Variants in UXS1 observed in about 807,000 individuals in gnomAD.
UXS1 encodes UDP-glucuronate decarboxylase 1.
A neutral mutation model predicts 62.6 loss-of-function variants in UXS1; 33 were observed. The observed-to-expected ratio is 0.53, with a 90% CI of 0.40 to 0.70. The LOEUF (loss-of-function observed/expected upper bound fraction) is 0.70, where lower values mean the gene tolerates loss of function less well. Among genes scored for constraint, UXS1 ranks in the 30% least tolerant of loss-of-function variants. UXS1 has a pLI of 0.00. For synonymous variants in UXS1, 213 were observed against 206.8 expected (o/e 1.03, Z -0.26); for missense variants, 434 against 556.3 (o/e 0.78, Z 2.21).
intron 5 of UXS1, among the ~76,000 whole-genome samples, chr2:106,157,749 T>A (rs1682553511): frequency 6.6e-6 from 1 of 152,174 alleles, no homozygotes; most frequent in Admixed American, 6.5e-5. Context: ...AGATCAAATA[T>A]CACATTATTT....
intron 10 of UXS1, among the ~76,000 whole-genome samples, chr2:106,108,998 A>G (rs560305807): frequency 6.6e-6 from 1 of 152,208 alleles, no homozygotes; most frequent in South Asian, 2.1e-4. Context: ...CATATCCCCT[A>G]GAGTGTGTCC....
chr2:106,169,575 T>C (rs1683413559), intron 1 of UXS1, among the ~76,000 whole-genome samples: 1 of 152,076 alleles, frequency 6.6e-6, no homozygotes, highest in African/African-American at 2.4e-5. Context: ...CAGTCCCAGC[T>C]ACATGGCGGG....
intron 12 of UXS1, 135 bp downstream of exon 12, chr2:106,100,923 G>C: frequency 9.1e-7 from 1 of 1,101,150 alleles, no homozygotes; most frequent in Non-Finnish European, 1.3e-6. Flanking sequence ...TTTTCCTCTA[G>C]TATTTAGCAA....
chr2:106,175,878 T>C (rs1029995271), intron 1 of UXS1, among the ~76,000 whole-genome samples: 4 of 152,230 alleles, frequency 2.6e-5, no homozygotes, highest in African/African-American at 7.2e-5. Flanking sequence ...TTTCTGCCAC[T>C]ATGTTTTAAA....
intron 6 of UXS1, among the ~76,000 whole-genome samples, chr2:106,130,652 C>T (rs1229702265): frequency 1.3e-5 from 2 of 152,182 alleles, no homozygotes; most frequent in Admixed American, 1.3e-4. Flanking sequence ...CCGGGCCTTC[C>T]GGGCTCCCCT....
chr2:106,105,765 C>T (rs1404128669), intron 10 of UXS1, among the ~76,000 whole-genome samples: 1 of 152,232 alleles, frequency 6.6e-6, no homozygotes, highest in African/African-American at 2.4e-5. Flanking sequence ...GAGACGGCAA[C>T]AGAGGTGCTT....
intron 12 of UXS1, among the ~76,000 whole-genome samples, chr2:106,099,804 A>T (rs550466907): frequency 3.3e-5 from 5 of 152,332 alleles, no homozygotes; most frequent in Admixed American, 3.3e-4. Flanking sequence ...TTACAGTGTG[A>T]GGCACGTTCT....
At chr2:106,103,722 G>A (rs1489780649) in intron 11 of UXS1, among the ~76,000 whole-genome samples, 1 of 152,202 alleles carries the variant, frequency 6.6e-6, no homozygotes, top group African/African-American at 2.4e-5. Flanking sequence ...ATATTAATGG[G>A]TGGGGAGGAA....
intron 13 of UXS1, 113 bp from the exon 14 acceptor site, chr2:106,096,934 C>T (rs1008346472): frequency 2.0e-5 from 21 of 1,052,818 alleles, no homozygotes; most frequent in African/African-American, 7.9e-5. Context: ...AGGGTGCAGG[C>T]GGTGGAAATG....
At chr2:106,105,219 T>C (rs1415829768) in intron 10 of UXS1, among the ~76,000 whole-genome samples, 2 of 152,084 alleles carry the variant, frequency 1.3e-5, no homozygotes, top group Non-Finnish European at 2.9e-5. Flanking sequence ...TTAACTGGGG[T>C]TCCTCACACT....
chr2:106,138,250 G>A (rs1214356335), intron 6 of UXS1: 1 of 985,388 alleles, frequency 1.0e-6, no homozygotes, highest in Middle Eastern at 5.2e-4. Flanking sequence ...GTCTGTATGG[G>A]AAACCTTCTC....
chr2:106,119,536 G>T (rs951538579), intron 9 of UXS1, among the ~76,000 whole-genome samples: 2 of 152,146 alleles, frequency 1.3e-5, no homozygotes, highest in South Asian at 2.1e-4. Flanking sequence ...CTGCTCTCTC[G>T]CAACACCCAC....
chr2:106,158,389 C>A (rs571633303), intron 4 of UXS1, among the ~76,000 whole-genome samples: 4 of 152,330 alleles, frequency 2.6e-5, no homozygotes, highest in African/African-American at 9.6e-5. Flanking sequence ...CGGCTTCCAG[C>A]AGCTGCTAAA....
At chr2:106,141,302 T>C (rs1681076300) in intron 6 of UXS1, among the ~76,000 whole-genome samples, 1 of 152,128 alleles carries the variant, frequency 6.6e-6, no homozygotes, top group African/African-American at 2.4e-5. Context: ...ATAGGTTATA[T>C]AAAAAGGGAG....
chr2:106,110,825 C>T (rs1678530431), intron 10 of UXS1, among the ~76,000 whole-genome samples: 1 of 152,192 alleles, frequency 6.6e-6, no homozygotes, highest in South Asian at 2.1e-4. Flanking sequence ...ATTCGTATTT[C>T]AGTTGGTTAC....
chr2:106,147,288 A>T lies in UXS1; in HGVS notation c.292-1918T>A, dbSNP rs555126417. ...CACTATACTTTCTCTTTTGGAATTT[A>T]GACACAACTGACCAACGTTAATATT... On this transcript the variant is annotated intron_variant, in intron 5 of 14. Transcript: ENST00000283148. Among the ~76,000 whole-genome samples the T allele has an allele frequency of 7.2e-5, 11 of 152,330 alleles. No individual in the cohort carries two copies. The East Asian group carries it at 2.1e-3, about 29-fold the overall frequency.
At chr2:106,186,131 C>T (rs1293094415) in intron 1 of UXS1, among the ~76,000 whole-genome samples, 1 of 152,128 alleles carries the variant, frequency 6.6e-6, no homozygotes, top group African/African-American at 2.4e-5. Context: ...ACAGAAAAAT[C>T]GGTCCAGGCA....
chr2:106,125,656 G>A lies in UXS1; in HGVS notation c.601C>T (p.Arg201Cys), dbSNP rs200230406. The A allele has an allele frequency of 4.5e-5, 71 of 1,579,558 alleles. No homozygotes were observed. Among genetic ancestry groups the A allele is most frequent in the Middle Eastern group, 1.7e-4 (1 of 6,050 alleles). Residue 201 changes from arginine to cysteine, a missense_variant, in exon 8 of 15, where the codon CGT becomes TGT. Transcript: ENST00000283148. ...TCCGATGTGGAGGCCAGGAGCAGAC[G>A]GGCACCGACTCGTTTTGCCAGCCCT... Reference protein sequence around the residue: ...MLGLAKRVGARLLLASTSEVY... With the variant: ...MLGLAKRVGACLLLASTSEVY...
intron 5 of UXS1, among the ~76,000 whole-genome samples, chr2:106,156,168 A>G (rs540566496): frequency 2.0e-5 from 3 of 152,332 alleles, no homozygotes; most frequent in African/African-American, 4.8e-5. Context: ...AATTAAGAAT[A>G]TATAAAGAAC....
Sources: gnomAD v4.1 joint callset for allele counts (sites outside exome capture counted in the v4.1 genomes callset) on GRCh38, gnomAD v4.1.1 for gene constraint, MANE v1.5 for transcripts, NCBI Gene and HGNC (gene_info 2026-07-23, HGNC 2026-07-21) for gene names.